PPFIA4: variants seen among roughly 807,000 people sequenced by gnomAD.
The protein encoded by PPFIA4 is PPFI scaffold protein A4.
A neutral mutation model predicts 145.7 loss-of-function variants in PPFIA4; 98 were observed. The observed-to-expected ratio is 0.67, with a 90% confidence interval of 0.57 to 0.80. The LOEUF (loss-of-function observed/expected upper bound fraction) is 0.80, where lower values mean the gene tolerates loss of function less well. PPFIA4 is among the 30% of genes least tolerant of loss of function. The pLI, the probability that PPFIA4 is intolerant of heterozygous loss-of-function variation, is 0.00. For missense variants in PPFIA4, 1,457 were observed against 1,632.7 expected (o/e 0.89, Z 1.85); for synonymous variants, 628 against 649.6 (o/e 0.97, Z 0.51).
At chr1:203,070,642 T>C (rs1662090449) in intron 27 of PPFIA4, among the ~76,000 whole-genome samples, 2 of 151,830 alleles carry the variant, frequency 1.3e-5, no homozygotes, top group South Asian at 2.1e-4. Flanking sequence ...TGAAAACTTT[T>C]CTGTTTTTGG....
chr1:203,068,598 G>A lies in PPFIA4; in HGVS notation c.3294G>A (p.Leu1098=). The change falls in exon 27 of 30, where the codon CTG becomes CTA. Residue 1098 remains leucine (L), a synonymous_variant. Coordinates refer to ENST00000295706, the MANE Select transcript of PPFIA4 (RefSeq NM_001304331.2). The surrounding 1 kb of genome is among the most constrained non-coding windows in gnomAD (Gnocchi z 4.7). ...ACTTCGACCACAACACACTGGCCCT[G>A]ATCCTCCAGATCCCCACACAGAACA... The part of the protein sequence containing the change: ...DENFDHNTLA[L]ILQIPTQNTQ... 6.4e-7 allele frequency: 1 copy of A among 1,562,974 alleles called. No homozygotes were observed. The highest frequency in any genetic ancestry group is 8.6e-7 in the Non-Finnish European group (1 of 1,157,294).
Position 203,075,744 on chromosome 1 carries a change from G to C in PPFIA4, c.3561G>C (p.Lys1187Asn), listed in dbSNP as rs761536521. 2 of 1,375,628 alleles carry C rather than the reference G, an allele frequency of 1.5e-6. No homozygotes were observed. The highest frequency in any genetic ancestry group is 1.9e-6 in the Non-Finnish European group (2 of 1,058,670). 85.2% of individuals were successfully genotyped at this position (1,375,628 alleles called of 1,614,324 possible). Residue 1187 changes from lysine (K) to asparagine (N), a missense_variant, in exon 29 of 30, where the codon AAG becomes AAC. This residue lies in a region of PPFIA4 where 146 missense variants were observed against 126.2 expected (regional missense o/e 1.16). Coordinates refer to ENST00000295706, the MANE Select transcript of PPFIA4 (RefSeq NM_001304331.2). This position sits in a 1 kb window ranked among gnomAD's most constrained non-coding sequence, Gnocchi z 4.1. ...TLQPPPAPPK[K>N]IMPEAHSHYL... Reference sequence around the variant, plus strand: ...AGCCCCCACCGGCCCCGCCAAAGAAGATCATGCCTGAAGGTGAGTAACAGG... The same window carrying C: ...AGCCCCCACCGGCCCCGCCAAAGAACATCATGCCTGAAGGTGAGTAACAGG...
intron 27 of PPFIA4, among the ~76,000 whole-genome samples, chr1:203,070,453 G>A (rs1259758787): frequency 2.6e-5 from 4 of 151,876 alleles, no homozygotes; most frequent in Admixed American, 1.3e-4. Flanking sequence ...TTGGTAATGC[G>A]TGACTGTAGT....
intron 1 of PPFIA4, chr1:203,037,149 C>A: frequency 2.8e-6 from 1 of 351,952 alleles, no homozygotes; most frequent in Admixed American, 3.2e-5. Context: ...TAGTCTCCCT[C>A]TTCCTTTCCC....
chr1:203,032,875 C>G (rs548444952), intron 1 of PPFIA4, among the ~76,000 whole-genome samples: 1 of 152,066 alleles, frequency 6.6e-6, no homozygotes, highest in Non-Finnish European at 1.5e-5. Flanking sequence ...ACCCTCTAAA[C>G]CAAGAGGATC....
chr1:203,051,621 G>A (rs2102649798), intron 13 of PPFIA4, 148 bp from the exon 14 acceptor site: 1 of 1,408,146 alleles, frequency 7.1e-7, no homozygotes, highest in Non-Finnish European at 9.4e-7. Context: ...TTACACGGCA[G>A]CCCTTCAGAC....
rs539567767 is a variant in PPFIA4 at position 203,032,997 on chromosome 1, C to T, written c.-399-5613C>T. 2.0e-4 allele frequency among the ~76,000 whole-genome samples: 31 copies of T among 152,334 alleles called. No homozygotes were observed. In the South Asian group the frequency reaches 6.4e-3, roughly 32 times the overall value. On this transcript the variant is annotated intron_variant, in intron 1 of 29. Coordinates refer to ENST00000295706, the MANE Select transcript of PPFIA4 (RefSeq NM_001304331.2). ...GCTGGAGAGCTGGGCTTCACAGACT[C>T]AGGCCCAGGGGAGCCTGTCTGAACA...
At position 203,053,735 on chromosome 1, in the gene PPFIA4, CCCT is replaced by C; in HGVS notation, c.1621-11_1621-9del. On this transcript the variant is annotated splice_polypyrimidine_tract_variant and intron_variant, in intron 14 of 29. Coordinates refer to ENST00000295706, the MANE Select transcript of PPFIA4 (RefSeq NM_001304331.2). ...TGGGTGTCTTATTACGACTCCTTTA[CCCT>C]CCTCCTTTGCTAAGGACTGGGAGAC... 6.5e-7 allele frequency: 1 copy of C among 1,548,450 alleles called. No individual in the cohort carries two copies. The highest frequency in any genetic ancestry group is 8.7e-7 in the Non-Finnish European group (1 of 1,145,760).
Position 203,045,509 on chromosome 1 carries a change from CTCA to C in PPFIA4, c.812_814del (p.Ile271del). On this transcript the variant is annotated inframe_deletion, in exon 7 of 30. Transcript: ENST00000295706. The stretch of plus-strand genomic sequence containing the variant: ...GGACCTGGGCACGGCCCGCCGGGAC[CTCA>C]TCAAGTCGGAGGAGCTGAGCAGCAA... 3 of 1,607,152 alleles carry C rather than the reference CTCA, an allele frequency of 1.9e-6. No individual in the cohort carries two copies. The highest frequency in any genetic ancestry group is 2.5e-6 in the Non-Finnish European group (3 of 1,177,530).
chr1:203,060,124 T>G lies in PPFIA4; in HGVS notation c.2584-93T>G. ...GATCTGTATTTGCTATTCGAGTCCG[T>G]GGATGAGGCCTGGCCCTTGCCCCTT... On this transcript the variant is annotated intron_variant, in intron 21 of 29. Transcript: ENST00000295706. The surrounding 1 kb of genome is among the most constrained non-coding windows in gnomAD (Gnocchi z 4.8). 4 of 1,242,634 alleles carry G rather than the reference T, an allele frequency of 3.2e-6. No homozygotes were observed. The highest frequency in any genetic ancestry group is 4.6e-6 in the Non-Finnish European group (4 of 875,770). The allele number at this position is 1,242,634 out of a possible 1,614,324, so 77.0% of individuals were successfully genotyped here.
chr1:203,074,696 G>T (rs1322430406), intron 28 of PPFIA4, among the ~76,000 whole-genome samples: 1 of 152,126 alleles, frequency 6.6e-6, no homozygotes, highest in Non-Finnish European at 1.5e-5. Context: ...TGAGAACATG[G>T]GGTGGAGGGA....
chr1:203,047,387 G>C (rs1660162356), intron 9 of PPFIA4, among the ~76,000 whole-genome samples: 1 of 152,200 alleles, frequency 6.6e-6, no homozygotes, highest in African/African-American at 2.4e-5. Flanking sequence ...TCACAGCAGA[G>C]GATGTTATGT....
Position 203,048,810 on chromosome 1 carries a change from G to T in PPFIA4, c.1356+96G>T. 1 of 1,534,326 alleles carries T rather than the reference G, an allele frequency of 6.5e-7. No individual in the cohort carries two copies. Among genetic ancestry groups the T allele is most frequent in the South Asian group, 1.2e-5 (1 of 81,568 alleles). ...GATGGGCGCAGGCGGGGTCTCAATG[G>T]GGTGGGTGGCCAGCCTGGAGAGGTG... On this transcript the variant is annotated intron_variant, in intron 11 of 29. Transcript: ENST00000295706. The surrounding 1 kb of genome is among the most constrained non-coding windows in gnomAD (Gnocchi z 5.8).
chr1:203,034,143 C>T (rs12403962), intron 1 of PPFIA4, among the ~76,000 whole-genome samples: 4 of 152,184 alleles, frequency 2.6e-5, no homozygotes, highest in Admixed American at 2.6e-4. Context: ...AGATCTCACA[C>T]ACTGGAGGGA....
chr1:203,060,381 A>T lies in PPFIA4; in HGVS notation c.2748A>T (p.Ser916=), dbSNP rs1413269729. 15 of 1,613,850 alleles carry T rather than the reference A, an allele frequency of 9.3e-6. No homozygotes were observed. The highest frequency in any genetic ancestry group is 1.3e-5 in the Non-Finnish European group (15 of 1,179,880). The change falls in exon 22 of 30, where the codon TCA becomes TCT. Residue 916 remains serine, a synonymous_variant. Coordinates refer to ENST00000295706, the MANE Select transcript of PPFIA4 (RefSeq NM_001304331.2). The surrounding 1 kb of genome is among the most constrained non-coding windows in gnomAD (Gnocchi z 4.8). ...GCCTGGCCATTCAGGAGATGGTGTC[A>T]TTGACCAGCCCCTCTGCCCCACCCA... ...KLRLAIQEMV[S]LTSPSAPPTS...
In PPFIA4 at chr1:203,076,449, C is replaced by T. The variant is rs1662556603; in HGVS notation, c.*59C>T. On this transcript the variant is annotated 3_prime_UTR_variant, in exon 30 of 30. Transcript: ENST00000295706. ...GTTTCACAGGCTCCTCTGGCCCTGA[C>T]CCCTCTTGCTCGTTCCCCTTCCTTC... is the stretch of plus-strand genomic sequence containing the variant. The T allele has an allele frequency of 2.4e-5, 36 of 1,510,484 alleles. No individual in the cohort carries two copies. Among genetic ancestry groups the T allele is most frequent in the Non-Finnish European group, 3.2e-5 (35 of 1,093,558 alleles). 93.6% of individuals were successfully genotyped at this position (1,510,484 alleles called of 1,614,324 possible). A position where few individuals can be genotyped will look rare whatever the true frequency, so the allele number is the denominator to read the frequency against.
chr1:203,066,237 A>G (rs6694477), intron 25 of PPFIA4, among the ~76,000 whole-genome samples: 55,748 of 152,096 alleles, frequency 0.37, 10,371 homozygotes, highest in Middle Eastern at 0.44. Context: ...AGTGGACCAA[A>G]GCTTAAACCA....
chr1:203,035,698 A>G (rs536619455), intron 1 of PPFIA4: 5 of 456,076 alleles, frequency 1.1e-5, no homozygotes, highest in Admixed American at 4.7e-5. Context: ...GGCTGAGATG[A>G]TAATTGCGCT....
At chr1:203,072,202 G>A (rs1415946614) in intron 28 of PPFIA4, among the ~76,000 whole-genome samples, 1 of 152,190 alleles carries the variant, frequency 6.6e-6, no homozygotes. Context: ...GTGTGGGTGT[G>A]TGGAGGCGGA....
Sources: gnomAD v4.1 joint callset for allele counts (sites outside exome capture counted in the v4.1 genomes callset) on GRCh38, gnomAD v4.1.1 for gene constraint, gnomAD v4.1.1 regional missense constraint, Gnocchi (gnomAD v3.1) non-coding constraint, MANE v1.5 for transcripts, NCBI Gene and HGNC (gene_info 2026-07-23, HGNC 2026-07-21) for gene names.